RERE: variants seen among roughly 807,000 people sequenced by gnomAD.
The protein encoded by RERE is arginine-glutamic acid dipeptide repeats protein.
RERE carries 40 observed loss-of-function variants against 146.1 expected under a neutral mutation model. That is an observed-to-expected ratio of 0.27 (90% CI 0.21 to 0.36). The LOEUF (loss-of-function observed/expected upper bound fraction) is 0.36. Among genes scored for constraint, RERE ranks in the 10% least tolerant of loss-of-function variants. RERE has a pLI of 1.00. For missense variants in RERE, 1,933 were observed against 2,138.7 expected (o/e 0.90, Z 1.90); for synonymous variants, 1,003 against 866.0 (o/e 1.16, Z -2.78).
At chr1:8,816,034 A>G (rs1641905429) in intron 1 of RERE, among the ~76,000 whole-genome samples, 1 of 152,124 alleles carries the variant, frequency 6.6e-6, no homozygotes, top group Non-Finnish European at 1.5e-5. Context: ...CAACCCAAAG[A>G]TGATTTTATT....
intron 1 of RERE, among the ~76,000 whole-genome samples, chr1:8,699,806 G>A (rs1219698405): frequency 6.6e-6 from 1 of 152,062 alleles, no homozygotes; most frequent in African/African-American, 2.4e-5. Flanking sequence ...TTTCTCCAAT[G>A]AATTAAAAAG....
intron 4 of RERE, among the ~76,000 whole-genome samples, chr1:8,605,765 A>AAAAAAAAAAAAAAAAAAAAAAAC (rs1557430020): frequency 7.8e-6 from 1 of 127,728 alleles, no homozygotes; most frequent in African/African-American, 3.0e-5. Context: ...AAAAAAAAAA[A>AAAAAAAAAAAAAAAAAAAAAAAC]AAAAAACCCC....
intron 1 of RERE, among the ~76,000 whole-genome samples, chr1:8,697,634 C>T (rs943793094): frequency 3.3e-5 from 5 of 152,154 alleles, no homozygotes; most frequent in Admixed American, 6.5e-5. Flanking sequence ...CGTGATCCGC[C>T]GCCTCGGCCT....
intron 1 of RERE, among the ~76,000 whole-genome samples, chr1:8,755,228 T>C (rs927595534): frequency 1.3e-5 from 2 of 152,272 alleles, no homozygotes; most frequent in African/African-American, 4.8e-5. Flanking sequence ...GGCCACTGGC[T>C]ATGCTTAATT....
intron 2 of RERE, among the ~76,000 whole-genome samples, chr1:8,625,957 C>A (rs913183940): frequency 2.0e-5 from 3 of 152,214 alleles, no homozygotes; most frequent in Non-Finnish European, 4.4e-5. Flanking sequence ...CAAAGATGGA[C>A]TCAACAGAGA....
At chr1:8,531,391 C>T (rs1169321361) in intron 7 of RERE, among the ~76,000 whole-genome samples, 5 of 151,790 alleles carry the variant, frequency 3.3e-5, no homozygotes, top group Non-Finnish European at 7.4e-5. Context: ...TGTAGTGAGG[C>T]CAGACTGCAC....
Position 8,361,325 on chromosome 1 carries a change from A to C in RERE, c.2182T>G (p.Ser728Ala). The C allele has an allele frequency of 6.2e-7, 1 of 1,612,582 alleles. No homozygotes were observed. Among genetic ancestry groups the C allele is most frequent in the Non-Finnish European group, 8.5e-7 (1 of 1,179,186 alleles). Residue 728 changes from serine to alanine, a missense_variant, in exon 18 of 23, where the codon TCA (serine) becomes GCA (alanine). By Grantham distance (99) the Ser-to-Ala change is moderately conservative (BLOSUM62 1). Around this residue, in one of 11 missense-constraint regions of RERE, gnomAD observed 1,255 missense variants for 1,153.8 expected, o/e 1.09. Coordinates refer to ENST00000400908, the MANE Select transcript of RERE (RefSeq NM_001042681.2). ...PQDNESDSDS[S>A]AQQQMLQAQP... ...GCCTGCAGCATCTGCTGCTGGGCTG[A>C]CGAGTCCGAGTCACTCTCATTGTCC...
chr1:8,662,249 T>TCTA (rs1638472494), intron 1 of RERE, among the ~76,000 whole-genome samples: 1 of 152,234 alleles, frequency 6.6e-6, no homozygotes, highest in South Asian at 2.1e-4. Context: ...TACTTCAGCC[T>TCTA]CTACAAACAC....
rs376434361 is a variant in RERE, at chr1:8,556,454, G to A, written c.725+21C>T. The A allele has an allele frequency of 6.5e-6, 9 of 1,388,498 alleles. No individual in the cohort carries two copies. In the African/African-American group the frequency reaches 1.1e-4, roughly 18 times the overall value. 86.0% of individuals were successfully genotyped at this position (1,388,498 alleles called of 1,614,324 possible). ...TCAGTGACTCCTCCTTCACATGGAA[G>A]AGCACGTCTCCAGTACTTACCTAAG... On this transcript the variant is annotated intron_variant, in intron 6 of 22. Coordinates refer to ENST00000400908, the MANE Select transcript of RERE (RefSeq NM_001042681.2).
intron 1 of RERE, among the ~76,000 whole-genome samples, chr1:8,676,737 G>T (rs1638849160): frequency 6.6e-6 from 1 of 152,158 alleles, no homozygotes; most frequent in Non-Finnish European, 1.5e-5. Flanking sequence ...CACCCACAGG[G>T]ATGAGTACCA....
chr1:8,361,965 T>C, intron 16 of RERE, 89 bp from the exon 17 acceptor site: 1 of 921,238 alleles, frequency 1.1e-6, no homozygotes, highest in Non-Finnish European at 1.7e-6. Flanking sequence ...GCAGACACTT[T>C]GCTCCCTCAT....
At chr1:8,559,040 T>C (rs1191629459) in intron 4 of RERE, among the ~76,000 whole-genome samples, 2 of 151,238 alleles carry the variant, frequency 1.3e-5, no homozygotes, top group African/African-American at 2.4e-5. Flanking sequence ...AGGTGATCCA[T>C]CCACCCACCT....
intron 4 of RERE, among the ~76,000 whole-genome samples, chr1:8,605,745 C>CAAAAAAAAAAAAAAAAAAAAAAAA (rs564574812): frequency 3.1e-5 from 2 of 64,536 alleles, no homozygotes; most frequent in Admixed American, 3.0e-4. Flanking sequence ...ACCCCATCTC[C>CAAAAAAAAAAAAAAAAAAAAAAAA]AAAAAAAAAA....
intron 7 of RERE, among the ~76,000 whole-genome samples, chr1:8,537,633 A>G (rs1645744385): frequency 6.6e-6 from 1 of 152,242 alleles, no homozygotes; most frequent in Admixed American, 6.5e-5. Context: ...TCTAGATTAA[A>G]AAGAATGAAA....
chr1:8,545,002 G>A (rs2124398682), intron 6 of RERE, among the ~76,000 whole-genome samples: 1 of 152,314 alleles, frequency 6.6e-6, no homozygotes. Flanking sequence ...GTGTGCAGAA[G>A]TATGGGTATG....
intron 2 of RERE, among the ~76,000 whole-genome samples, chr1:8,629,268 G>T (rs1247638966): frequency 6.6e-6 from 1 of 152,170 alleles, no homozygotes; most frequent in African/African-American, 2.4e-5. Context: ...CCTAACCTCT[G>T]TCTGGGAATG....
intron 1 of RERE, among the ~76,000 whole-genome samples, chr1:8,811,507 C>T (rs1323169584): frequency 6.6e-6 from 1 of 152,164 alleles, no homozygotes; most frequent in Admixed American, 6.5e-5. Flanking sequence ...ACTCGGGAGG[C>T]CAAGGAGGGA....
chr1:8,778,613 G>T (rs1569778652), intron 1 of RERE, among the ~76,000 whole-genome samples: 1 of 152,130 alleles, frequency 6.6e-6, no homozygotes, highest in Admixed American at 6.5e-5. Context: ...GAGGCAGAAG[G>T]ATCACTTGAG....
intron 1 of RERE, among the ~76,000 whole-genome samples, chr1:8,692,033 A>G (rs1639217994): frequency 6.6e-6 from 1 of 152,208 alleles, no homozygotes; most frequent in Non-Finnish European, 1.5e-5. Context: ...TCCTCAATAA[A>G]GAAAGAAAAT....
Sources: allele counts gnomAD v4.1 joint callset (sites outside exome capture counted in the v4.1 genomes callset), GRCh38; gene constraint gnomAD v4.1.1; regional missense constraint gnomAD v4.1.1; transcripts MANE v1.5; gene names NCBI Gene and HGNC (gene_info 2026-07-23, HGNC 2026-07-21).